ST7: variants seen among roughly 807,000 people sequenced by gnomAD.
The protein encoded by ST7 is suppression of tumorigenicity 7.
ST7 carries 28 observed loss-of-function variants against 78.7 expected under a neutral mutation model. The ratio of observed to expected loss-of-function variants is 0.36; its 90% confidence interval spans 0.26 to 0.49. ST7 has a LOEUF of 0.49. Among genes scored for constraint, ST7 ranks in the 20% least tolerant of loss-of-function variants. ST7 has a pLI of 0.99. For missense variants in ST7, 418 were observed against 696.0 expected (o/e 0.60, Z 4.49); for synonymous variants, 247 against 249.6 (o/e 0.99, Z 0.10).
At chr7:116,955,094 TC>T (rs751225510) in intron 1 of ST7, 10 of 471,012 alleles carry the variant, frequency 2.1e-5, no homozygotes, top group African/African-American at 1.8e-4. Context: ...CATGGCTTTC[TC>T]GCTTTTCATC....
intron 10 of ST7, among the ~76,000 whole-genome samples, chr7:117,186,802 G>T (rs190906134): frequency 4.1e-4 from 63 of 152,278 alleles, no homozygotes; most frequent in African/African-American, 1.4e-3. Flanking sequence ...CCCTGTGAAT[G>T]AACTTACAGC....
chr7:117,170,006 C>A (rs1403482011), intron 9 of ST7, among the ~76,000 whole-genome samples: 3 of 152,096 alleles, frequency 2.0e-5, no homozygotes, highest in Non-Finnish European at 4.4e-5. Context: ...TACAAATTTT[C>A]TTTTAACCCG....
chr7:117,134,209 T>C lies in ST7; in HGVS notation c.710+17T>C. 6.2e-7 allele frequency: 1 copy of C among 1,611,438 alleles called. No individual in the cohort carries two copies. The highest frequency in any genetic ancestry group is 8.5e-7 in the Non-Finnish European group (1 of 1,178,516). On this transcript the variant is annotated intron_variant, in intron 7 of 15. Coordinates refer to ENST00000323984, the MANE Select transcript of ST7 (RefSeq NM_001369598.1). ...GTTACCAAAGTAAGTCAAGAACCTG[T>C]TGGGTGCCCTACTTCTAACCAAATG...
intron 1 of ST7, among the ~76,000 whole-genome samples, chr7:117,034,522 G>T (rs1380125291): frequency 6.6e-6 from 1 of 152,132 alleles, no homozygotes; most frequent in Non-Finnish European, 1.5e-5. Context: ...ACACAATAAG[G>T]TCAATACCTT....
At chr7:117,118,910 G>C (rs1368974917) in intron 2 of ST7, among the ~76,000 whole-genome samples, 7 of 152,114 alleles carry the variant, frequency 4.6e-5, no homozygotes, top group Non-Finnish European at 4.4e-5. Context: ...CAATTAGTAG[G>C]CTTGTGAACT....
chr7:117,083,197 T>G (rs1471039064), intron 1 of ST7, among the ~76,000 whole-genome samples: 1 of 151,960 alleles, frequency 6.6e-6, no homozygotes, highest in Non-Finnish European at 1.5e-5. Context: ...GTAGCTAGGA[T>G]TACAGGCACC....
rs759537888 is a variant in ST7 at position 117,189,320 on chromosome 7, G to C, written c.1079-1G>C. 6.2e-7 allele frequency: 1 copy of C among 1,606,778 alleles called. No individual in the cohort carries two copies. The highest frequency in any genetic ancestry group is 8.5e-7 in the Non-Finnish European group (1 of 1,175,900). Reference sequence around the variant, plus strand: ...GTTCCTACTTTCTTTTTCTCCAACAGATATAAGCTTACCAAAGTCAGCAAC... The same window carrying C: ...GTTCCTACTTTCTTTTTCTCCAACACATATAAGCTTACCAAAGTCAGCAAC... On this transcript the variant is annotated splice_acceptor_variant, in intron 10 of 15. Transcript: ENST00000323984. LOFTEE classifies it high-confidence loss of function.
At chr7:117,183,103 T>A (rs559882592) in intron 10 of ST7, among the ~76,000 whole-genome samples, 31 of 138,542 alleles carry the variant, frequency 2.2e-4, no homozygotes, top group Non-Finnish European at 3.4e-4. Flanking sequence ...TAGGTTTTTT[T>A]GTTTGTTTGT....
chr7:117,000,243 G>A (rs1794877918), intron 1 of ST7, among the ~76,000 whole-genome samples: 2 of 152,216 alleles, frequency 1.3e-5, no homozygotes, highest in Admixed American at 6.5e-5. Flanking sequence ...CAATGAGTTG[G>A]TGGCAGGTCA....
At chr7:117,063,342 T>G (rs1307802717) in intron 1 of ST7, among the ~76,000 whole-genome samples, 1 of 152,196 alleles carries the variant, frequency 6.6e-6, no homozygotes, top group Admixed American at 6.5e-5. Flanking sequence ...ATGATAAAGC[T>G]TTTGTTTCTG....
chr7:117,201,908 A>G (rs776122243), intron 12 of ST7, among the ~76,000 whole-genome samples: 1 of 151,006 alleles, frequency 6.6e-6, no homozygotes, highest in Admixed American at 6.6e-5. Context: ...CCACGCGTTC[A>G]TGTTTTCCAG....
intron 2 of ST7, among the ~76,000 whole-genome samples, chr7:117,111,298 T>A (rs749495851): frequency 5.3e-5 from 8 of 152,204 alleles, no homozygotes; most frequent in Non-Finnish European, 1.0e-4. Context: ...TGCTCTCACC[T>A]AAGCAATGTC....
intron 1 of ST7, chr7:117,014,754 A>G (rs1795528823): frequency 6.0e-6 from 2 of 330,630 alleles, no homozygotes; most frequent in Non-Finnish European, 1.1e-5. Context: ...TTAATACAGG[A>G]GGGAAATGGG....
chr7:117,132,550 A>G (rs977642696), intron 6 of ST7, among the ~76,000 whole-genome samples: 29 of 151,878 alleles, frequency 1.9e-4, no homozygotes, highest in African/African-American at 6.0e-4. Context: ...GAGACCTTAA[A>G]GGTCACTTAG....
intron 1 of ST7, among the ~76,000 whole-genome samples, chr7:116,961,114 A>G (rs867875761): frequency 2.0e-5 from 3 of 152,164 alleles, no homozygotes; most frequent in African/African-American, 7.2e-5. Flanking sequence ...AAGATCAGAT[A>G]GTTGTAGGTG....
At chr7:117,026,562 A>G (rs1185399590) in intron 1 of ST7, among the ~76,000 whole-genome samples, 1 of 152,266 alleles carries the variant, frequency 6.6e-6, no homozygotes, top group Non-Finnish European at 1.5e-5. Context: ...TGAATATGCA[A>G]TTTAATGCAT....
chr7:117,063,769 T>C (rs1035848716), intron 1 of ST7, among the ~76,000 whole-genome samples: 5 of 152,202 alleles, frequency 3.3e-5, no homozygotes, highest in Admixed American at 2.6e-4. Flanking sequence ...TCTCTTCCTA[T>C]AGAAGCATAG....
At chr7:117,217,325 T>A (rs549378664) in intron 13 of ST7, among the ~76,000 whole-genome samples, 27 of 151,684 alleles carry the variant, frequency 1.8e-4, no homozygotes, top group Non-Finnish European at 3.5e-4. Flanking sequence ...CCCACGTAGG[T>A]TTTTCCACAT....
intron 1 of ST7, among the ~76,000 whole-genome samples, chr7:117,095,648 G>A (rs964743111): frequency 1.3e-5 from 2 of 152,136 alleles, no homozygotes; most frequent in African/African-American, 4.8e-5. Flanking sequence ...CCTCTGATTT[G>A]TTGAAATAGT....
Sources: gnomAD v4.1 joint callset for allele counts (sites outside exome capture counted in the v4.1 genomes callset) on GRCh38, gnomAD v4.1.1 for gene constraint, MANE v1.5 for transcripts, NCBI Gene and HGNC (gene_info 2026-07-23, HGNC 2026-07-21) for gene names.